Variants in RUNDC3B observed in about 807,000 individuals in gnomAD.
The protein encoded by RUNDC3B is RUN domain containing 3B.
Under a neutral mutation model 58.4 loss-of-function variants are expected in RUNDC3B, and 33 were observed. That is an observed-to-expected ratio of 0.56 (90% confidence interval 0.43 to 0.75). The LOEUF (loss-of-function observed/expected upper bound fraction) is 0.75, where lower values mean the gene tolerates loss of function less well. Ranked by LOEUF, RUNDC3B falls within the 30% of genes least tolerant of loss-of-function variation. RUNDC3B has a pLI of 0.00. For synonymous variants in RUNDC3B, 193 were observed against 195.2 expected, an observed-to-expected ratio of 0.99 and a Z score of 0.10; for missense variants, 501 against 535.7, an observed-to-expected ratio of 0.94 and a Z score of 0.64.
Position 87,628,593 on chromosome 7 carries a change from G to A in RUNDC3B, c.-231G>A. The A allele has an allele frequency of 8.0e-6, 1 of 124,706 alleles. No individual in the cohort carries two copies. Among genetic ancestry groups the A allele is most frequent in the Non-Finnish European group, 1.6e-5 (1 of 63,772 alleles). The allele number at this position is 124,706 out of a possible 1,614,324, so 7.7% of individuals were successfully genotyped here. On this transcript the variant is annotated 5_prime_UTR_variant, in exon 1 of 11. In the 5' UTR this introduces an upstream ATG that the reference lacks. Coordinates refer to ENST00000394654, the MANE Select transcript of RUNDC3B (RefSeq NM_001134405.2). ...AGGTGGTGCGTGCGTGCGTGTGTGT[G>A]TGTGTGTGTGTGTGTGTGTGTGTGT...
chr7:87,683,138 G>A (rs1029078007), intron 2 of RUNDC3B, among the ~76,000 whole-genome samples: 19 of 152,012 alleles, frequency 1.2e-4, no homozygotes, highest in African/African-American at 4.6e-4. Flanking sequence ...CTTTTCTTCT[G>A]CGGCGTCTTT....
At chr7:87,674,248 A>G (rs1826103296) in intron 2 of RUNDC3B, among the ~76,000 whole-genome samples, 2 of 152,160 alleles carry the variant, frequency 1.3e-5, no homozygotes, top group Admixed American at 6.5e-5. Context: ...GCAGGGTACC[A>G]GTGGAAGCGA....
At chr7:87,747,619 C>T (rs1011583013) in intron 6 of RUNDC3B, among the ~76,000 whole-genome samples, 1 of 152,000 alleles carries the variant, frequency 6.6e-6, no homozygotes, top group Admixed American at 6.6e-5. Context: ...CAGGGCTAGG[C>T]GTGTCTGAGC....
intron 9 of RUNDC3B, 139 bp from the exon 10 acceptor site, chr7:87,816,002 A>C (rs1273708223): frequency 1.6e-6 from 1 of 626,496 alleles, no homozygotes; most frequent in Non-Finnish European, 2.8e-6. Flanking sequence ...GAAGCCAAGA[A>C]TATGAAGCAA....
rs1303468489 is a variant in RUNDC3B at position 87,662,587 on chromosome 7, T to G, written c.238+11650T>G. Among the ~76,000 whole-genome samples the G allele has an allele frequency of 2.0e-5, 3 of 152,110 alleles. No individual in the cohort carries two copies. The East Asian group carries it at 5.8e-4, about 29-fold the overall frequency. ...TAGTTTTATGGATTTATGTCTGCAT[T>G]CTCTATTCTGTTCCATTGGTCTATG... On this transcript the variant is annotated intron_variant, in intron 2 of 10. Coordinates refer to ENST00000394654, the MANE Select transcript of RUNDC3B (RefSeq NM_001134405.2).
intron 8 of RUNDC3B, among the ~76,000 whole-genome samples, chr7:87,792,947 T>C (rs1835605986): frequency 6.6e-6 from 1 of 151,878 alleles, no homozygotes. Flanking sequence ...GACAAACCCT[T>C]GCCGGACTAA....
At chr7:87,646,969 T>C (rs1823070285) in intron 1 of RUNDC3B, among the ~76,000 whole-genome samples, 1 of 152,206 alleles carries the variant, frequency 6.6e-6, no homozygotes, top group Non-Finnish European at 1.5e-5. Context: ...ATTTATTCCA[T>C]TGAGCTCCAG....
In RUNDC3B at chr7:87,631,031, G is replaced by C. The variant is rs1365690106; in HGVS notation, c.122+2086G>C. On this transcript the variant is annotated intron_variant, in intron 1 of 10. Transcript: ENST00000394654. ...GTGAAATGAATATGTGCTAACTTTA[G>C]TTACAGTTTACACATAGATTTAGTG... 4.6e-5 allele frequency among the ~76,000 whole-genome samples: 7 copies of C among 152,210 alleles called. No homozygotes were observed. The East Asian group carries it at 1.4e-3, about 29-fold the overall frequency.
chr7:87,702,936 C>CAACT (rs2130706142), intron 3 of RUNDC3B, among the ~76,000 whole-genome samples: 1 of 152,266 alleles, frequency 6.6e-6, no homozygotes, highest in South Asian at 2.1e-4. Context: ...CTAACTAACT[C>CAACT]AACTAACTCA....
intron 7 of RUNDC3B, among the ~76,000 whole-genome samples, chr7:87,775,560 A>G (rs1834574588): frequency 6.6e-6 from 1 of 152,238 alleles, no homozygotes; most frequent in African/African-American, 2.4e-5. Flanking sequence ...ACAGTAGTGT[A>G]CAGTAGTTGT....
chr7:87,659,819 T>G (rs978686857), intron 2 of RUNDC3B, among the ~76,000 whole-genome samples: 5 of 152,190 alleles, frequency 3.3e-5, no homozygotes, highest in Non-Finnish European at 5.9e-5. Context: ...TAGCCAGAGT[T>G]TTTAGTTGTA....
intron 6 of RUNDC3B, among the ~76,000 whole-genome samples, chr7:87,754,626 T>A (rs1833247071): frequency 6.6e-6 from 1 of 151,900 alleles, no homozygotes; most frequent in Admixed American, 6.6e-5. Flanking sequence ...CACAAAAAAA[T>A]TCAAAACATC....
intron 10 of RUNDC3B, among the ~76,000 whole-genome samples, chr7:87,820,470 C>T (rs1264217975): frequency 6.6e-6 from 1 of 152,166 alleles, no homozygotes; most frequent in Non-Finnish European, 1.5e-5. Context: ...CAAGGAGGAA[C>T]TGGTACCATT....
At chr7:87,773,427 A>T (rs1394176398) in intron 7 of RUNDC3B, among the ~76,000 whole-genome samples, 2 of 152,132 alleles carry the variant, frequency 1.3e-5, no homozygotes, top group African/African-American at 4.8e-5. Context: ...AGCAAAAATT[A>T]ATTAAATGTC....
chr7:87,810,721 C>G (rs895126281), intron 9 of RUNDC3B, among the ~76,000 whole-genome samples: 1 of 152,060 alleles, frequency 6.6e-6, no homozygotes, highest in Non-Finnish European at 1.5e-5. Flanking sequence ...GTTTATTTAT[C>G]GATCACTTAG....
intron 10 of RUNDC3B, among the ~76,000 whole-genome samples, chr7:87,823,003 C>T (rs1485094587): frequency 6.6e-6 from 1 of 151,812 alleles, no homozygotes; most frequent in African/African-American, 2.4e-5. Flanking sequence ...CAAACCTGCA[C>T]ATTTTACACA....
At chr7:87,738,144 A>C (rs1450012681) in intron 4 of RUNDC3B, among the ~76,000 whole-genome samples, 6 of 152,110 alleles carry the variant, frequency 3.9e-5, no homozygotes, top group Admixed American at 1.3e-4. Flanking sequence ...TATCAAAAAA[A>C]CAAGATTCTT....
At chr7:87,819,787 A>G (rs978095052) in intron 10 of RUNDC3B, among the ~76,000 whole-genome samples, 1 of 152,236 alleles carries the variant, frequency 6.6e-6, no homozygotes. Context: ...CTGAGTGACT[A>G]CTGGGTACAT....
intron 5 of RUNDC3B, among the ~76,000 whole-genome samples, chr7:87,740,970 T>C (rs1240080730): frequency 6.6e-6 from 1 of 152,092 alleles, no homozygotes; most frequent in Non-Finnish European, 1.5e-5. Context: ...TTTAGGAGGC[T>C]GAGGCGGGCA....
Sources: allele counts gnomAD v4.1 joint callset (sites outside exome capture counted in the v4.1 genomes callset), GRCh38; gene constraint gnomAD v4.1.1; transcripts MANE v1.5; gene names NCBI Gene and HGNC (gene_info 2026-07-23, HGNC 2026-07-21).